NREP: variants seen among roughly 807,000 people sequenced by gnomAD.
The protein encoded by NREP is neuronal regeneration-related protein.
A neutral mutation model predicts 8.6 loss-of-function variants in NREP; 5 were observed. The observed-to-expected ratio is 0.58, with a 90% CI of 0.30 to 1.22. The LOEUF is 1.22. NREP is among the 50% of genes most tolerant of loss of function. The probability of loss-of-function intolerance (pLI) is 0.07; values close to 1 mark genes in which losing one functional copy is unlikely to be tolerated. For synonymous variants in NREP, 27 were observed against 28.0 expected (o/e 0.96, Z 0.11); for missense variants, 86 against 82.5 (o/e 1.04, Z -0.17).
chr5:111,868,388 AAGG>A (rs1249220040), intron 2 of NREP, among the ~76,000 whole-genome samples: 3 of 152,184 alleles, frequency 2.0e-5, no homozygotes, highest in Admixed American at 2.0e-4. Flanking sequence ...GAACACCAGT[AAGG>A]AGGTTTTTGT....
chr5:111,911,290 T>C (rs752832232), intron 2 of NREP, among the ~76,000 whole-genome samples: 3 of 152,140 alleles, frequency 2.0e-5, no homozygotes, highest in Non-Finnish European at 4.4e-5. Flanking sequence ...ACATAGTAGC[T>C]ACTCAGTAAG....
intron 2 of NREP, among the ~76,000 whole-genome samples, chr5:111,800,695 A>T (rs1751983839): frequency 6.6e-6 from 1 of 152,206 alleles, no homozygotes; most frequent in African/African-American, 2.4e-5. Flanking sequence ...CTATCCAGAA[A>T]ATCTCTCCAT....
At chr5:111,921,595 G>T (rs1561347426) in intron 2 of NREP, among the ~76,000 whole-genome samples, 1 of 152,262 alleles carries the variant, frequency 6.6e-6, no homozygotes, top group African/African-American at 2.4e-5. Context: ...AGTATCAATG[G>T]TTCGGGCAAT....
At chr5:111,790,912 A>G (rs762817945) in intron 2 of NREP, among the ~76,000 whole-genome samples, 11 of 152,180 alleles carry the variant, frequency 7.2e-5, no homozygotes, top group South Asian at 2.1e-4. Flanking sequence ...AAAACCACAT[A>G]TACAGAGGGC....
intron 2 of NREP, among the ~76,000 whole-genome samples, chr5:111,804,331 A>G (rs1460497817): frequency 6.6e-6 from 1 of 152,236 alleles, no homozygotes; most frequent in East Asian, 1.9e-4. Context: ...CCAATTAGAG[A>G]AAGATGCCAC....
chr5:111,773,809 T>G (rs1422129333), intron 2 of NREP, among the ~76,000 whole-genome samples: 1 of 152,128 alleles, frequency 6.6e-6, no homozygotes, highest in Non-Finnish European at 1.5e-5. Flanking sequence ...AAGTCCAAAT[T>G]TGGTTCTGGC....
chr5:111,786,243 C>T (rs1751605773), intron 2 of NREP, among the ~76,000 whole-genome samples: 1 of 152,172 alleles, frequency 6.6e-6, no homozygotes, highest in African/African-American at 2.4e-5. Flanking sequence ...CCTTTTGCCG[C>T]CTTGTGAAGA....
At chr5:111,751,514 C>T (rs919148839) in intron 2 of NREP, among the ~76,000 whole-genome samples, 81 of 152,148 alleles carry the variant, frequency 5.3e-4, no homozygotes, top group African/African-American at 1.9e-3. Flanking sequence ...ATAATTTCTA[C>T]AGATGTGGAC....
chr5:111,895,785 T>C (rs1304947447), intron 2 of NREP, among the ~76,000 whole-genome samples: 1 of 152,128 alleles, frequency 6.6e-6, no homozygotes, highest in East Asian at 1.9e-4. Flanking sequence ...CAAAAAATAT[T>C]TCCAGATATC....
At chr5:111,946,962 T>C (rs987038810) in intron 2 of NREP, among the ~76,000 whole-genome samples, 1 of 152,056 alleles carries the variant, frequency 6.6e-6, no homozygotes, top group African/African-American at 2.4e-5. Flanking sequence ...AAGAATATAC[T>C]AGTCTCCTCA....
intron 2 of NREP, among the ~76,000 whole-genome samples, chr5:111,858,279 C>A (rs1753469131): frequency 6.6e-6 from 1 of 152,042 alleles, no homozygotes; most frequent in Non-Finnish European, 1.5e-5. Flanking sequence ...CATGTTTCTA[C>A]ACTCCCCTCC....
At chr5:111,781,992 C>A (rs1180969370) in intron 2 of NREP, among the ~76,000 whole-genome samples, 1 of 152,092 alleles carries the variant, frequency 6.6e-6, no homozygotes, top group Non-Finnish European at 1.5e-5. Flanking sequence ...TAAAATGAGG[C>A]TAATTATGTT....
At chr5:111,758,628 T>A (rs184989979), upstream of NREP, among the ~76,000 whole-genome samples, 10 of 152,340 alleles carry the variant, frequency 6.6e-5, no homozygotes, top group Middle Eastern at 3.4e-3. Context: ...CTTCTAAATT[T>A]GCCATCCACT....
intron 2 of NREP, among the ~76,000 whole-genome samples, chr5:111,953,970 T>C (rs563609299): frequency 6.6e-6 from 1 of 152,084 alleles, no homozygotes; most frequent in Admixed American, 6.6e-5. Context: ...ATGTTTAACA[T>C]GGGTTAGGGC....
At chr5:111,921,762 A>C (rs1250959149) in intron 2 of NREP, among the ~76,000 whole-genome samples, 1 of 152,140 alleles carries the variant, frequency 6.6e-6, no homozygotes, top group African/African-American at 2.4e-5. Context: ...TGTATCCCCC[A>C]GAATTCCCAC....
intron 2 of NREP, among the ~76,000 whole-genome samples, chr5:111,831,929 G>A (rs1175117812): frequency 6.6e-6 from 1 of 152,170 alleles, no homozygotes; most frequent in African/African-American, 2.4e-5. Flanking sequence ...AAAGGTCACT[G>A]GGTTGAGTAC....
chr5:111,740,030 G>C (rs1749512135), intron 2 of NREP, among the ~76,000 whole-genome samples: 1 of 151,786 alleles, frequency 6.6e-6, no homozygotes, highest in Non-Finnish European at 1.5e-5. Context: ...AAAAAAAGTA[G>C]AGGGAAGGAA....
chr5:111,804,437 T>C lies in NREP; in HGVS notation c.136-68930A>G, dbSNP rs115009503. 8.2e-3 allele frequency among the ~76,000 whole-genome samples: 1,247 copies of C among 152,244 alleles called. 13 individuals are homozygous for C. The highest frequency in any genetic ancestry group is 0.028 in the African/African-American group (1,152 of 41,536). The stretch of plus-strand genomic sequence containing the variant: ...TAAAAGGACTAGAAGAAAACAGAGA[T>C]AAATTCATTATAATTTGAGTTTAGG... On this transcript the variant is annotated intron_variant, in intron 2 of 3. Transcript: ENST00000395634.
At chr5:111,946,615 A>G (rs1000835759) in intron 2 of NREP, among the ~76,000 whole-genome samples, 1 of 152,036 alleles carries the variant, frequency 6.6e-6, no homozygotes, top group African/African-American at 2.4e-5. Context: ...AAGAAAGCCC[A>G]GGGACGTCCC....
Sources: allele counts gnomAD v4.1 joint callset (sites outside exome capture counted in the v4.1 genomes callset), GRCh38; gene constraint gnomAD v4.1.1; transcripts MANE v1.5; gene names NCBI Gene and HGNC (gene_info 2026-07-23, HGNC 2026-07-21).